The following B3GALT1 variants were observed in gnomAD, a reference collection of about 807,000 sequenced individuals.
B3GALT1 encodes UDP-Gal:betaGlcNAc beta 1,3-galactosyltransferase, polypeptide 1.
In B3GALT1, 10 loss-of-function variants were observed where a neutral mutation model predicts 23.2. That is an observed-to-expected ratio of 0.43 (90% CI 0.27 to 0.73). The LOEUF (loss-of-function observed/expected upper bound fraction) is 0.73, where lower values mean the gene tolerates loss of function less well. Among genes scored for constraint, B3GALT1 ranks in the 30% least tolerant of loss-of-function variants. The probability of loss-of-function intolerance (pLI) is 0.21; values close to 1 mark genes in which losing one functional copy is unlikely to be tolerated. For missense variants in B3GALT1, 299 were observed against 405.4 expected, an observed-to-expected ratio of 0.74 and a Z score of 2.25; for synonymous variants, 156 against 141.5, an observed-to-expected ratio of 1.10 and a Z score of -0.73.
intron 2 of B3GALT1, among the ~76,000 whole-genome samples, chr2:167,493,994 T>C (rs184482948): frequency 2.1e-3 from 326 of 152,244 alleles, no homozygotes; most frequent in Non-Finnish European, 3.5e-3. Context: ...TGGTTTATGT[T>C]AGAAGTACTC....
chr2:167,787,871 C>T (rs1270091359), intron 3 of B3GALT1, among the ~76,000 whole-genome samples: 1 of 152,156 alleles, frequency 6.6e-6, no homozygotes, highest in Non-Finnish European at 1.5e-5. Context: ...GATGCAGAAT[C>T]GAGTGGGTGG....
At chr2:167,633,599 A>G (rs1223226351) in intron 2 of B3GALT1, among the ~76,000 whole-genome samples, 1 of 152,124 alleles carries the variant, frequency 6.6e-6, no homozygotes, top group East Asian at 1.9e-4. Flanking sequence ...GGGTATTTAC[A>G]TAATGGTAAA....
At chr2:167,498,894 G>A (rs1205150496) in intron 2 of B3GALT1, among the ~76,000 whole-genome samples, 1 of 152,066 alleles carries the variant, frequency 6.6e-6, no homozygotes, top group African/African-American at 2.4e-5. Flanking sequence ...ATTTAAATCA[G>A]TGTGTTACTT....
intron 1 of B3GALT1, among the ~76,000 whole-genome samples, chr2:167,470,813 G>A (rs1264936853): frequency 6.6e-6 from 1 of 152,178 alleles, no homozygotes; most frequent in Non-Finnish European, 1.5e-5. Context: ...AAAGAACTGT[G>A]CAAAGCACTG....
At chr2:167,563,045 A>G (rs1159827916) in intron 2 of B3GALT1, among the ~76,000 whole-genome samples, 2 of 151,610 alleles carry the variant, frequency 1.3e-5, no homozygotes, top group African/African-American at 4.9e-5. Context: ...TCCCATGTCC[A>G]CCCCTTTCCA....
chr2:167,452,410 C>T (rs1454630015), intron 1 of B3GALT1, among the ~76,000 whole-genome samples: 4 of 152,128 alleles, frequency 2.6e-5, no homozygotes, highest in African/African-American at 9.7e-5. Context: ...ACTCGGCTCT[C>T]TAAATTTGTC....
chr2:167,519,408 CAATTAAATTT>C (rs1339268285), intron 2 of B3GALT1, among the ~76,000 whole-genome samples: 2 of 151,566 alleles, frequency 1.3e-5, no homozygotes, highest in Admixed American at 6.6e-5. Context: ...CTAAGATAAA[CAATTAAATTT>C]AATTTAATTT....
chr2:167,565,720 C>CAT (rs1212085907), intron 2 of B3GALT1, among the ~76,000 whole-genome samples: 4 of 152,218 alleles, frequency 2.6e-5, no homozygotes, highest in Non-Finnish European at 5.9e-5. Flanking sequence ...CACAAGAAGA[C>CAT]ATTTATGCAG....
intron 4 of B3GALT1, among the ~76,000 whole-genome samples, chr2:167,847,470 A>G (rs571773785): frequency 1.2e-3 from 180 of 152,330 alleles, no homozygotes; most frequent in Non-Finnish European, 1.7e-3. Flanking sequence ...AAATTAAATA[A>G]CCTGCTCCTG....
In B3GALT1 at chr2:167,596,696, C is replaced by T. The variant is rs148379459; in HGVS notation, c.-409-50213C>T. 3.7e-3 allele frequency among the ~76,000 whole-genome samples: 561 copies of T among 152,042 alleles called. 2 individuals carry two copies. Among genetic ancestry groups the T allele is most frequent in the African/African-American group, 0.013 (532 of 41,466 alleles). On this transcript the variant is annotated intron_variant, in intron 2 of 4. Coordinates refer to ENST00000392690, the MANE Select transcript of B3GALT1 (RefSeq NM_020981.4). Reference sequence around the variant, plus strand: ...TTTTTTTTGTAGAAAAGCCTAATACCCTTAAATAATAAAGCATGCATTAAG... The same window carrying T: ...TTTTTTTTGTAGAAAAGCCTAATACTCTTAAATAATAAAGCATGCATTAAG...
chr2:167,398,869 T>C (rs1698141677), intron 1 of B3GALT1, among the ~76,000 whole-genome samples: 1 of 152,254 alleles, frequency 6.6e-6, no homozygotes, highest in African/African-American at 2.4e-5. Flanking sequence ...CTATAGAGTG[T>C]CTTGCATTTC....
intron 1 of B3GALT1, among the ~76,000 whole-genome samples, chr2:167,470,171 G>C: frequency 6.6e-6 from 1 of 152,078 alleles, no homozygotes; most frequent in East Asian, 1.9e-4. Flanking sequence ...TACCCATAGG[G>C]TGTGTGTTTG....
rs140574326 is a variant in B3GALT1, at chr2:167,703,482, T to C, written c.-352+56516T>C. Among the ~76,000 whole-genome samples the C allele has an allele frequency of 3.4e-3, 412 of 122,718 alleles. 4 individuals carry two copies. The highest frequency in any genetic ancestry group is 0.012 in the African/African-American group (392 of 32,868). The allele number at this position is 122,718 out of a possible 152,430, so 80.5% of individuals were successfully genotyped here. A position where few individuals can be genotyped will look rare whatever the true frequency, so the allele number is the denominator to read the frequency against. On this transcript the variant is annotated intron_variant, in intron 3 of 4. Coordinates refer to ENST00000392690, the MANE Select transcript of B3GALT1 (RefSeq NM_020981.4). ...TTGTATTTTTTTTCTCTTTAACAGTTGGTACTGAAGGATTAAAATTAAGGT... is the reference window on the plus strand; with the variant it reads ...TTGTATTTTTTTTCTCTTTAACAGTCGGTACTGAAGGATTAAAATTAAGGT...
chr2:167,739,918 T>C (rs868106880), intron 3 of B3GALT1, among the ~76,000 whole-genome samples: 31 of 141,418 alleles, frequency 2.2e-4, no homozygotes, highest in Middle Eastern at 3.4e-3. Context: ...CAGTAAGAAG[T>C]TGTCTCTACA....
At chr2:167,431,070 C>G (rs1698698756) in intron 1 of B3GALT1, among the ~76,000 whole-genome samples, 1 of 152,100 alleles carries the variant, frequency 6.6e-6, no homozygotes, top group Non-Finnish European at 1.5e-5. Flanking sequence ...ATGCTGCTGC[C>G]TAGGGAAAAT....
chr2:167,558,650 A>G (rs1683900704), intron 2 of B3GALT1, among the ~76,000 whole-genome samples: 1 of 152,100 alleles, frequency 6.6e-6, no homozygotes, highest in Non-Finnish European at 1.5e-5. Flanking sequence ...GCACCAGGAG[A>G]TTATATCCTG....
chr2:167,860,166 C>T (rs192800447), intron 4 of B3GALT1, among the ~76,000 whole-genome samples: 1 of 152,218 alleles, frequency 6.6e-6, no homozygotes, highest in Admixed American at 6.5e-5. Context: ...AGTTCTGTTG[C>T]AATTTGAGTT....
intron 3 of B3GALT1, among the ~76,000 whole-genome samples, chr2:167,750,988 T>C (rs1382736202): frequency 6.6e-6 from 1 of 152,142 alleles, no homozygotes; most frequent in African/African-American, 2.4e-5. Context: ...ATTTTTGGCT[T>C]TGTGAGCCAT....
chr2:167,516,950 GTA>G (rs779431606), intron 2 of B3GALT1, among the ~76,000 whole-genome samples: 170 of 92,828 alleles, frequency 1.8e-3, no homozygotes, highest in Admixed American at 1.6e-3. Flanking sequence ...TTCTGTGTGT[GTA>G]TATATATATA....
Sources: allele counts gnomAD v4.1 joint callset (sites outside exome capture counted in the v4.1 genomes callset), GRCh38; gene constraint gnomAD v4.1.1; transcripts MANE v1.5; gene names NCBI Gene and HGNC (gene_info 2026-07-23, HGNC 2026-07-21).